The following CNTNAP2 variants were observed in gnomAD, a reference collection of about 807,000 sequenced individuals.
The protein encoded by CNTNAP2 is contactin associated protein 2, also known as contactin-associated protein-like 2.
A neutral mutation model predicts 155.2 loss-of-function variants in CNTNAP2; 98 were observed. The ratio of observed to expected loss-of-function variants is 0.63; its 90% CI spans 0.54 to 0.75. The LOEUF (loss-of-function observed/expected upper bound fraction) is 0.75, where lower values mean the gene tolerates loss of function less well. CNTNAP2 is among the 30% of genes least tolerant of loss of function. The pLI is 0.00. For missense variants in CNTNAP2, 1,727 were observed against 1,688.1 expected (o/e 1.02, Z -0.40); for synonymous variants, 651 against 631.2 (o/e 1.03, Z -0.47).
At chr7:147,953,085 T>C (rs1402004701) in intron 14 of CNTNAP2, among the ~76,000 whole-genome samples, 1 of 152,232 alleles carries the variant, frequency 6.6e-6, no homozygotes, top group East Asian at 1.9e-4. Context: ...TGGTCATGTA[T>C]AGTGTACTCT....
chr7:146,933,782 A>C lies in CNTNAP2; in HGVS notation c.402+93878A>C, dbSNP rs925241757. 5.2e-4 allele frequency among the ~76,000 whole-genome samples: 79 copies of C among 152,312 alleles called. 1 individual carries two copies. Among genetic ancestry groups the C allele is most frequent in the African/African-American group, 1.8e-3 (74 of 41,562 alleles). Reference sequence around the variant, plus strand: ...AACCCCATCAAAAAGTGGGCAAAGGACATGAACAGACACTTCTCAAAAGAA... The same window carrying C: ...AACCCCATCAAAAAGTGGGCAAAGGCCATGAACAGACACTTCTCAAAAGAA... On this transcript the variant is annotated intron_variant, in intron 3 of 23. Transcript: ENST00000361727.
At position 147,622,572 on chromosome 7, in the gene CNTNAP2, G is replaced by A. The variant is rs1794880304; in HGVS notation, c.1898-16534G>A. On this transcript the variant is annotated intron_variant, in intron 12 of 23. Coordinates refer to ENST00000361727, the MANE Select transcript of CNTNAP2 (RefSeq NM_014141.6). ...TAAATTAAGAAGGAAATTGAAAAAT[G>A]GCTTGAAACAAATGATGATGGAAAC... Among the ~76,000 whole-genome samples the A allele has an allele frequency of 2.0e-5, 3 of 151,814 alleles. No homozygotes were observed. In the South Asian group the frequency reaches 6.2e-4, roughly 31 times the overall value.
At chr7:147,750,084 G>A (rs118103102) in intron 13 of CNTNAP2, among the ~76,000 whole-genome samples, 3,477 of 152,274 alleles carry the variant, frequency 0.023, 75 homozygotes, top group Non-Finnish European at 0.035. Context: ...TTGAGTTAAA[G>A]TTGGCTGTAT....
At chr7:147,879,479 C>A (rs78306727) in intron 13 of CNTNAP2, among the ~76,000 whole-genome samples, 5,069 of 151,706 alleles carry the variant, frequency 0.033, 133 homozygotes, top group Non-Finnish European at 0.053. Context: ...TTTTTTAATG[C>A]GTGCTCTTCC....
At chr7:148,025,709 A>C (rs1003282259) in intron 15 of CNTNAP2, among the ~76,000 whole-genome samples, 2 of 152,206 alleles carry the variant, frequency 1.3e-5, no homozygotes, top group African/African-American at 4.8e-5. Flanking sequence ...TACTTGCAAT[A>C]ACATAATACT....
chr7:146,485,653 C>A (rs983425065), intron 1 of CNTNAP2, among the ~76,000 whole-genome samples: 1 of 152,078 alleles, frequency 6.6e-6, no homozygotes, highest in South Asian at 2.1e-4. Flanking sequence ...GACAGGGTCT[C>A]GCTCTGCCAT....
chr7:147,424,160 A>T (rs1183987473), intron 10 of CNTNAP2, among the ~76,000 whole-genome samples: 1 of 152,022 alleles, frequency 6.6e-6, no homozygotes, highest in Non-Finnish European at 1.5e-5. Flanking sequence ...CAATACCTTC[A>T]ATCTACCCAT....
intron 1 of CNTNAP2, among the ~76,000 whole-genome samples, chr7:146,117,907 A>C (rs561143280): frequency 6.6e-6 from 1 of 152,360 alleles, no homozygotes; most frequent in Admixed American, 6.5e-5. Context: ...TCATAAGCGC[A>C]TACTAGTTTC....
At chr7:147,007,966 C>T (rs1446313027) in intron 3 of CNTNAP2, among the ~76,000 whole-genome samples, 1 of 152,052 alleles carries the variant, frequency 6.6e-6, no homozygotes, top group South Asian at 2.1e-4. Context: ...AAAATAAGTG[C>T]AAGTTCATTT....
At chr7:146,613,865 TC>T (rs1411995128) in intron 1 of CNTNAP2, among the ~76,000 whole-genome samples, 2 of 152,188 alleles carry the variant, frequency 1.3e-5, no homozygotes, top group Non-Finnish European at 2.9e-5. Flanking sequence ...TTGAGTGATT[TC>T]TATACCTCTA....
chr7:147,184,719 A>G (rs1802529103), intron 8 of CNTNAP2, among the ~76,000 whole-genome samples: 1 of 152,192 alleles, frequency 6.6e-6, no homozygotes, highest in Non-Finnish European at 1.5e-5. Flanking sequence ...AAAAGAGAGA[A>G]GTTGGAAGGA....
rs536766277 is a variant in CNTNAP2, at chr7:148,159,807, G to A, written c.2773+12098G>A. On this transcript the variant is annotated intron_variant, in intron 17 of 23. Transcript: ENST00000361727. ...CAATAGTTCTATCAGTGGTAGCTTCGGGTAATTGAAGTCTATTTTGCTAGT... is the reference window on the plus strand; with the variant it reads ...CAATAGTTCTATCAGTGGTAGCTTCAGGTAATTGAAGTCTATTTTGCTAGT... Among the ~76,000 whole-genome samples the A allele has an allele frequency of 1.1e-4, 16 of 152,254 alleles. No individual in the cohort carries two copies. The South Asian group carries it at 1.9e-3, about 18-fold the overall frequency.
intron 1 of CNTNAP2, among the ~76,000 whole-genome samples, chr7:146,296,239 A>G (rs1800512907): frequency 6.6e-6 from 1 of 152,112 alleles, no homozygotes; most frequent in Non-Finnish European, 1.5e-5. Flanking sequence ...TCACCTGAGA[A>G]TAGTTTCTTT....
chr7:146,942,034 C>A (rs1365310216), intron 3 of CNTNAP2, among the ~76,000 whole-genome samples: 3 of 151,980 alleles, frequency 2.0e-5, no homozygotes, highest in Admixed American at 2.0e-4. Context: ...ATATTTTTAT[C>A]TTTTCCTGAG....
At chr7:148,108,028 C>T (rs913371138) in intron 15 of CNTNAP2, among the ~76,000 whole-genome samples, 115 of 152,316 alleles carry the variant, frequency 7.6e-4, no homozygotes, top group African/African-American at 2.6e-3. Flanking sequence ...CTTCTCCATG[C>T]GAGCCAAACG....
intron 1 of CNTNAP2, among the ~76,000 whole-genome samples, chr7:146,300,392 A>T (rs1800586547): frequency 2.0e-5 from 3 of 151,474 alleles, no homozygotes; most frequent in Admixed American, 2.0e-4. Context: ...GAAAATTGGT[A>T]CTCTTGGATA....
At chr7:146,376,486 C>T (rs1199223304) in intron 1 of CNTNAP2, among the ~76,000 whole-genome samples, 1 of 152,012 alleles carries the variant, frequency 6.6e-6, no homozygotes, top group Non-Finnish European at 1.5e-5. Context: ...TAAGGGTTTT[C>T]AGTTTCCCTC....
chr7:147,474,938 TCA>T (rs766670295), intron 10 of CNTNAP2, among the ~76,000 whole-genome samples: 15 of 152,170 alleles, frequency 9.9e-5, no homozygotes, highest in Non-Finnish European at 1.8e-4. Context: ...AATTCACTAT[TCA>T]CACAACAGCT....
chr7:147,338,183 A>G (rs749633937), intron 9 of CNTNAP2, among the ~76,000 whole-genome samples: 2 of 152,150 alleles, frequency 1.3e-5, no homozygotes, highest in Non-Finnish European at 2.9e-5. Flanking sequence ...ACAGAGTGGA[A>G]GGAGAGAGAG....
Sources: gnomAD v4.1 joint callset for allele counts (sites outside exome capture counted in the v4.1 genomes callset) on GRCh38, gnomAD v4.1.1 for gene constraint, MANE v1.5 for transcripts, NCBI Gene and HGNC (gene_info 2026-07-23, HGNC 2026-07-21) for gene names.